ARFGEF3: variants seen among roughly 807,000 people sequenced by gnomAD.
The protein encoded by ARFGEF3 is ARFGEF family member 3.
Under a neutral mutation model 221.7 loss-of-function variants are expected in ARFGEF3, and 96 were observed. The ratio of observed to expected loss-of-function variants is 0.43; its 90% CI spans 0.37 to 0.51. ARFGEF3 has a LOEUF of 0.51. Among genes scored for constraint, ARFGEF3 ranks in the 20% least tolerant of loss-of-function variants. ARFGEF3 has a pLI of 0.00. For synonymous variants in ARFGEF3, 1,145 were observed against 1,126.8 expected, an observed-to-expected ratio of 1.02 and a Z score of -0.32; for missense variants, 2,410 against 2,789.9, an observed-to-expected ratio of 0.86 and a Z score of 3.07.
rs758395068 is a variant in ARFGEF3 at position 138,339,892 on chromosome 6, C to A, written c.*3406C>A. ...ATTTGGGGTCTATGTAATGACTGAC[C>A]GATAAGAACCCAGGCAGATGCTAAC... On this transcript the variant is annotated 3_prime_UTR_variant, in exon 34 of 34. Transcript: ENST00000251691. 1.3e-5 allele frequency: 2 copies of A among 152,078 alleles called. No homozygotes were observed. The highest frequency in any genetic ancestry group is 2.9e-5 in the Non-Finnish European group (2 of 68,022). The allele number at this position is 152,078 out of a possible 1,614,324, so 9.4% of individuals were successfully genotyped here.
At position 138,255,461 on chromosome 6, in the gene ARFGEF3, G is replaced by A. The variant is rs774630399; in HGVS notation, c.796G>A (p.Val266Met). 3.7e-5 allele frequency: 59 copies of A among 1,607,380 alleles called. No homozygotes were observed. The highest frequency in any genetic ancestry group is 4.5e-5 in the Non-Finnish European group (53 of 1,174,604). Residue 266 changes from valine to methionine, a missense_variant, in exon 10 of 34, where the codon GTG (valine) becomes ATG (methionine). By Grantham distance (21) the Val-to-Met change is conservative. Coordinates refer to ENST00000251691, the MANE Select transcript of ARFGEF3 (RefSeq NM_020340.5). ...GAAAAACCTCTGCCCTGCTCTCATC[G>A]TGATCTTGGGGAATCCAATTCATGA... ...IWKNLCPALI[V>M]ILGNPIHDKT...
At chr6:138,287,033 G>C in intron 16 of ARFGEF3, 41 bp from the exon 17 acceptor site, 1 of 1,558,568 alleles carries the variant, frequency 6.4e-7, no homozygotes, top group South Asian at 1.2e-5. Flanking sequence ...ATGGTTAGAG[G>C]ATATACTCAG....
chr6:138,228,192 TTTGA>T, intron 4 of ARFGEF3, among the ~76,000 whole-genome samples: 1 of 147,232 alleles, frequency 6.8e-6, no homozygotes, highest in Non-Finnish European at 1.5e-5. Flanking sequence ...TTTTTTTTTT[TTTGA>T]GATGGAGTCT....
chr6:138,343,454 G>C lies in ARFGEF3; in HGVS notation c.*6968G>C, dbSNP rs1351868930. The stretch of plus-strand genomic sequence containing the variant: ...TTTTGCCTCTGTGGATGGAAATAAG[G>C]GTGTTTTTTTTTGGTTTTTTTTTTA... On this transcript the variant is annotated 3_prime_UTR_variant, in exon 34 of 34. Coordinates refer to ENST00000251691, the MANE Select transcript of ARFGEF3 (RefSeq NM_020340.5). The C allele has an allele frequency of 2.2e-5, 3 of 134,732 alleles. No homozygotes were observed. Among genetic ancestry groups the C allele is most frequent in the Admixed American group, 2.1e-4 (3 of 14,244 alleles). 8.3% of individuals were successfully genotyped at this position (134,732 alleles called of 1,614,324 possible).
chr6:138,288,647 T>C (rs1779341363), intron 17 of ARFGEF3, among the ~76,000 whole-genome samples: 1 of 152,200 alleles, frequency 6.6e-6, no homozygotes, highest in Admixed American at 6.5e-5. Flanking sequence ...ATGAAGCCAC[T>C]GCACTCCAGC....
chr6:138,207,709 A>T (rs998846885), intron 3 of ARFGEF3, among the ~76,000 whole-genome samples: 5 of 152,252 alleles, frequency 3.3e-5, no homozygotes, highest in African/African-American at 1.2e-4. Flanking sequence ...GGTGATGACT[A>T]TGTAAATATA....
chr6:138,340,921 AAG>A lies in ARFGEF3; in HGVS notation c.*4437_*4438del, dbSNP rs1468372965. 2.0e-5 allele frequency: 3 copies of A among 152,206 alleles called. No individual in the cohort carries two copies. The highest frequency in any genetic ancestry group is 4.4e-5 in the Non-Finnish European group (3 of 68,034). 9.4% of individuals were successfully genotyped at this position (152,206 alleles called of 1,614,324 possible). ...AGGTTTTTAAAAATAAAGTTGAAAA[AAG>A]AAAATGAATCATGTTTATACATAAA... On this transcript the variant is annotated 3_prime_UTR_variant, in exon 34 of 34. Coordinates refer to ENST00000251691, the MANE Select transcript of ARFGEF3 (RefSeq NM_020340.5).
At chr6:138,195,406 G>A (rs1019280374) in intron 2 of ARFGEF3, among the ~76,000 whole-genome samples, 10 of 152,060 alleles carry the variant, frequency 6.6e-5, no homozygotes, top group African/African-American at 2.4e-4. Flanking sequence ...TTCCCAAAAG[G>A]CAAAGTGTTG....
chr6:138,269,981 C>T (rs956083913), intron 12 of ARFGEF3, among the ~76,000 whole-genome samples: 6 of 152,056 alleles, frequency 3.9e-5, no homozygotes, highest in Non-Finnish European at 5.9e-5. Flanking sequence ...CTCAGGTTTC[C>T]TCATGAACTG....
chr6:138,260,466 G>A (rs950416176), intron 10 of ARFGEF3, among the ~76,000 whole-genome samples: 4 of 152,120 alleles, frequency 2.6e-5, no homozygotes, highest in African/African-American at 9.7e-5. Context: ...TCTACCGTAT[G>A]TATATAAAAA....
Position 138,293,981 on chromosome 6 carries a change from G to A in ARFGEF3, c.3369-12G>A, listed in dbSNP as rs193120428. On this transcript the variant is annotated splice_polypyrimidine_tract_variant and intron_variant, in intron 19 of 33. Coordinates refer to ENST00000251691, the MANE Select transcript of ARFGEF3 (RefSeq NM_020340.5). ...GTTTCCAAAGAACACATCTCTTTCT[G>A]TTTGCATCCAGGCTCTTTGAAGATG... 14 of 1,611,162 alleles carry A rather than the reference G, an allele frequency of 8.7e-6. No individual in the cohort carries two copies. In the East Asian group the frequency reaches 1.6e-4, roughly 18 times the overall value.
Position 138,342,150 on chromosome 6 carries a change from G to C in ARFGEF3, c.*5664G>C, listed in dbSNP as rs1037383998. Reference sequence around the variant, plus strand: ...TTAGAACAGTGGTTCTCAAACTTTAGTACACATCAGCATCACCTGGAGGGC... The same window carrying C: ...TTAGAACAGTGGTTCTCAAACTTTACTACACATCAGCATCACCTGGAGGGC... On this transcript the variant is annotated 3_prime_UTR_variant, in exon 34 of 34. Coordinates refer to ENST00000251691, the MANE Select transcript of ARFGEF3 (RefSeq NM_020340.5). 10 of 152,124 alleles carry C rather than the reference G, an allele frequency of 6.6e-5. No individual in the cohort carries two copies. The highest frequency in any genetic ancestry group is 2.4e-4 in the African/African-American group (10 of 41,426). 9.4% of individuals were successfully genotyped at this position (152,124 alleles called of 1,614,324 possible).
At position 138,324,084 on chromosome 6, in the gene ARFGEF3, G is replaced by T; in HGVS notation, c.4931G>T (p.Arg1644Leu). 6.2e-7 allele frequency: 1 copy of T among 1,613,914 alleles called. No homozygotes were observed. The highest frequency in any genetic ancestry group is 8.5e-7 in the Non-Finnish European group (1 of 1,179,890). ...TTCAGCGGGGAAGGCTGCCAGGTGC[G>T]AGTGGCGGCCCCGTCCTCCTCCCCA... ...ESFSGEGCQVRVAAPSSSPSA... is the reference protein window; with the variant it reads ...ESFSGEGCQVLVAAPSSSPSA... Residue 1644 changes from arginine (R) to leucine (L), a missense_variant, in exon 31 of 34, where the codon CGA (arginine) becomes CTA (leucine). Arg to Leu is a moderately radical substitution (Grantham distance 102). Coordinates refer to ENST00000251691, the MANE Select transcript of ARFGEF3 (RefSeq NM_020340.5).
At chr6:138,260,629 A>G (rs936714041) in intron 10 of ARFGEF3, among the ~76,000 whole-genome samples, 2 of 152,216 alleles carry the variant, frequency 1.3e-5, no homozygotes, top group African/African-American at 4.8e-5. Context: ...AAAGAATAGA[A>G]TAAATTCAAA....
At chr6:138,323,799 C>T (rs1251113517) in intron 30 of ARFGEF3, 26 bp downstream of exon 30, 1 of 1,608,354 alleles carries the variant, frequency 6.2e-7, no homozygotes, top group East Asian at 2.2e-5. Context: ...GAAGCCCTCC[C>T]TGGCACAGTT....
At chr6:138,328,279 T>C in intron 32 of ARFGEF3, 137 bp downstream of exon 32, 1 of 1,102,194 alleles carries the variant, frequency 9.1e-7, no homozygotes, top group Non-Finnish European at 1.2e-6. Flanking sequence ...AAGGTTTTCA[T>C]AAAAACTGTT....
intron 4 of ARFGEF3, among the ~76,000 whole-genome samples, chr6:138,225,305 T>C (rs1045033536): frequency 2.6e-5 from 4 of 152,378 alleles, no homozygotes; most frequent in Admixed American, 6.5e-5. Context: ...AACTGATCTT[T>C]CCAGCATCAT....
chr6:138,291,975 C>G lies in ARFGEF3; in HGVS notation c.3290C>G (p.Ser1097Cys). Residue 1097 changes from serine to cysteine, a missense_variant, in exon 19 of 34, where the codon TCC becomes TGC. Physicochemically the swap from Ser to Cys is moderately radical, Grantham distance 112. Transcript: ENST00000251691. The surrounding 1 kb of genome is among the most constrained non-coding windows in gnomAD (Gnocchi z 4.5). ...CGGGAAGGCAGCCGGGGTCGGGCCT[C>G]CGACTTCCGCGGCGGGAGCCTCATG... ...LVREGSRGRA[S>C]DFRGGSLMSG... The G allele has an allele frequency of 6.5e-7, 1 of 1,536,266 alleles. No individual in the cohort carries two copies. Among genetic ancestry groups the G allele is most frequent in the Non-Finnish European group, 8.7e-7 (1 of 1,144,454 alleles).
At chr6:138,222,256 T>TA (rs200681607) in intron 4 of ARFGEF3, among the ~76,000 whole-genome samples, 6,063 of 151,750 alleles carry the variant, frequency 0.04, 379 homozygotes, top group African/African-American at 0.14. Flanking sequence ...CTGATGAGCT[T>TA]AAAAAAAAAT....
Sources: allele counts gnomAD v4.1 joint callset (sites outside exome capture counted in the v4.1 genomes callset), GRCh38; gene constraint gnomAD v4.1.1; non-coding constraint Gnocchi (gnomAD v3.1); transcripts MANE v1.5; gene names NCBI Gene and HGNC (gene_info 2026-07-23, HGNC 2026-07-21).